Variants in COMMD1 observed in about 807,000 individuals in gnomAD.
COMMD1 encodes the protein COMM domain-containing protein 1.
COMMD1 carries 10 observed loss-of-function variants against 17.2 expected under a neutral mutation model. The observed-to-expected ratio is 0.58, with a 90% CI of 0.36 to 0.99. The LOEUF (loss-of-function observed/expected upper bound fraction) is 0.99. COMMD1 is among the 50% of genes least tolerant of loss of function. The pLI is 0.01. For missense variants in COMMD1, 270 were observed against 231.8 expected (o/e 1.17, Z -1.07); for synonymous variants, 97 against 91.6 (o/e 1.06, Z -0.34).
At chr2:61,926,644 A>G (rs1670335951) in intron 1 of COMMD1, among the ~76,000 whole-genome samples, 1 of 152,166 alleles carries the variant, frequency 6.6e-6, no homozygotes, top group Non-Finnish European at 1.5e-5. Flanking sequence ...TCTTACGTAA[A>G]ATGTCGACTT....
At chr2:62,129,154 A>G (rs1672961290) in intron 2 of COMMD1, among the ~76,000 whole-genome samples, 1 of 152,128 alleles carries the variant, frequency 6.6e-6, no homozygotes, top group African/African-American at 2.4e-5. Flanking sequence ...TTATGTGTGT[A>G]CTGTTGGCTT....
intron 1 of COMMD1, among the ~76,000 whole-genome samples, chr2:61,890,388 T>A (rs569618824): frequency 3.2e-4 from 48 of 152,108 alleles, no homozygotes; most frequent in Non-Finnish European, 5.0e-4. Flanking sequence ...CCCGGCTAAT[T>A]TTGTATTTTT....
At chr2:61,975,970 T>C (rs947575870) in intron 1 of COMMD1, among the ~76,000 whole-genome samples, 1 of 152,178 alleles carries the variant, frequency 6.6e-6, no homozygotes, top group African/African-American at 2.4e-5. Context: ...TTTGTAAATA[T>C]GAATTAGATC....
At chr2:62,062,003 GAAAC>G (rs1670873455) in intron 2 of COMMD1, among the ~76,000 whole-genome samples, 1 of 143,788 alleles carries the variant, frequency 7.0e-6, no homozygotes, top group Admixed American at 6.9e-5. Flanking sequence ...AAAAAAAACA[GAAAC>G]AAAAAAACCA....
chr2:61,930,124 G>C (rs997161841), intron 1 of COMMD1, among the ~76,000 whole-genome samples: 1 of 152,140 alleles, frequency 6.6e-6, no homozygotes, highest in Non-Finnish European at 1.5e-5. Flanking sequence ...TTCTCTGAGA[G>C]GGGGAAGCCA....
intron 2 of COMMD1, among the ~76,000 whole-genome samples, chr2:62,032,156 T>C (rs544099414): frequency 6.6e-6 from 1 of 152,324 alleles, no homozygotes; most frequent in Non-Finnish European, 1.5e-5. Flanking sequence ...TGATTGATTG[T>C]CAGGTTATTA....
intron 1 of COMMD1, among the ~76,000 whole-genome samples, chr2:61,908,720 C>T (rs531021047): frequency 5.9e-5 from 9 of 151,778 alleles, no homozygotes; most frequent in African/African-American, 1.7e-4. Context: ...CCACCACGCC[C>T]GGCTAATTTT....
intron 2 of COMMD1, among the ~76,000 whole-genome samples, chr2:62,056,819 A>G (rs903780207): frequency 6.6e-6 from 1 of 152,180 alleles, no homozygotes; most frequent in African/African-American, 2.4e-5. Context: ...TCCATGCTAG[A>G]AGAGGATTAA....
chr2:61,994,403 G>A (rs755927041), intron 1 of COMMD1, among the ~76,000 whole-genome samples: 1 of 152,206 alleles, frequency 6.6e-6, no homozygotes, highest in Non-Finnish European at 1.5e-5. Context: ...GTACCAGAAA[G>A]TTGTAATATT....
chr2:61,919,261 C>G (rs978494188), intron 1 of COMMD1, among the ~76,000 whole-genome samples: 3 of 152,188 alleles, frequency 2.0e-5, no homozygotes, highest in African/African-American at 7.2e-5. Flanking sequence ...ATGTGCCCGC[C>G]TCGGCCTCCC....
chr2:61,960,208 C>G (rs1245947932), intron 1 of COMMD1, among the ~76,000 whole-genome samples: 1 of 152,110 alleles, frequency 6.6e-6, no homozygotes, highest in Non-Finnish European at 1.5e-5. Flanking sequence ...TGAAGAAGAA[C>G]TTTCCCATTT....
At chr2:61,993,027 T>C (rs116832152) in intron 1 of COMMD1, among the ~76,000 whole-genome samples, 1,596 of 149,978 alleles carry the variant, frequency 0.011, 26 homozygotes, top group African/African-American at 0.038. Flanking sequence ...AACTATATTA[T>C]GTACAACTTA....
chr2:61,998,304 G>T (rs1668823895), intron 1 of COMMD1, among the ~76,000 whole-genome samples: 1 of 150,890 alleles, frequency 6.6e-6, no homozygotes, highest in Admixed American at 6.6e-5. Flanking sequence ...CCAGGCTGAG[G>T]CTGGAAGTGC....
At chr2:62,006,738 A>G (rs1011396662) in intron 2 of COMMD1, among the ~76,000 whole-genome samples, 2 of 152,210 alleles carry the variant, frequency 1.3e-5, no homozygotes, top group Non-Finnish European at 2.9e-5. Context: ...GGAATCTGGC[A>G]TATGTCTTTA....
At chr2:61,923,618 C>G (rs1670251534) in intron 1 of COMMD1, among the ~76,000 whole-genome samples, 1 of 152,066 alleles carries the variant, frequency 6.6e-6, no homozygotes, top group African/African-American at 2.4e-5. Flanking sequence ...ACCAAGGTCA[C>G]TGTGAACCAT....
At chr2:61,996,034 A>G (rs934784847) in intron 1 of COMMD1, among the ~76,000 whole-genome samples, 18 of 152,156 alleles carry the variant, frequency 1.2e-4, no homozygotes, top group African/African-American at 4.1e-4. Context: ...GTGTAAGAAC[A>G]CTGTGTCTTT....
At chr2:61,994,925 C>T (rs991887618) in intron 1 of COMMD1, among the ~76,000 whole-genome samples, 12 of 152,046 alleles carry the variant, frequency 7.9e-5, no homozygotes, top group African/African-American at 2.9e-4. Context: ...GAGCTTATGC[C>T]AGTCCCCATG....
chr2:61,911,604 G>A (rs915499787), intron 1 of COMMD1, among the ~76,000 whole-genome samples: 5 of 152,192 alleles, frequency 3.3e-5, no homozygotes, highest in Admixed American at 6.5e-5. Context: ...AAAGTGCTGA[G>A]ATTACAGGCA....
At chr2:62,126,765 C>T (rs1279527122) in intron 2 of COMMD1, among the ~76,000 whole-genome samples, 1 of 152,082 alleles carries the variant, frequency 6.6e-6, no homozygotes, top group African/African-American at 2.4e-5. Flanking sequence ...AACCCACAGC[C>T]AATATCATAC....
Sources: allele counts gnomAD v4.1 joint callset (sites outside exome capture counted in the v4.1 genomes callset), GRCh38; gene constraint gnomAD v4.1.1; transcripts MANE v1.5; gene names NCBI Gene and HGNC (gene_info 2026-07-23, HGNC 2026-07-21).